MAP3K13: variants seen among roughly 807,000 people sequenced by gnomAD.
MAP3K13 encodes leucine zipper-bearing kinase.
A neutral mutation model predicts 104.0 loss-of-function variants in MAP3K13; 52 were observed. The ratio of observed to expected loss-of-function variants is 0.50; its 90% confidence interval spans 0.40 to 0.63. The LOEUF (loss-of-function observed/expected upper bound fraction) is 0.63, where lower values mean the gene tolerates loss of function less well. MAP3K13 is among the 20% of genes least tolerant of loss of function. The pLI, the probability that MAP3K13 is intolerant of heterozygous loss-of-function variation, is 0.00. For synonymous variants in MAP3K13, 394 were observed against 442.2 expected, an observed-to-expected ratio of 0.89 and a Z score of 1.37; for missense variants, 914 against 1,218.5, an observed-to-expected ratio of 0.75 and a Z score of 3.72.
At chr3:185,295,415 G>C (rs1720888026) in intron 2 of MAP3K13, among the ~76,000 whole-genome samples, 1 of 152,190 alleles carries the variant, frequency 6.6e-6, no homozygotes, top group African/African-American at 2.4e-5. Flanking sequence ...ATGTGGGCCA[G>C]GCTGGTCTTG....
chr3:185,284,644 G>C (rs888332562), intron 1 of MAP3K13, among the ~76,000 whole-genome samples: 6 of 152,112 alleles, frequency 3.9e-5, no homozygotes, highest in Admixed American at 2.0e-4. Flanking sequence ...GAAGCCGGGA[G>C]GGGGAGGTTG....
At chr3:185,417,711 A>T in intron 1 of MAP3K13, 4 of 1,612,610 alleles carry the variant, frequency 2.5e-6, no homozygotes, top group Non-Finnish European at 3.4e-6. Flanking sequence ...CTGCTGCTGC[A>T]GCAGCTGCCT....
intron 1 of MAP3K13, among the ~76,000 whole-genome samples, chr3:185,388,317 C>T (rs910227001): frequency 7.9e-5 from 12 of 151,916 alleles, no homozygotes; most frequent in African/African-American, 1.5e-4. Context: ...ACCTGGGAAA[C>T]GAGGCAAAAT....
intron 1 of MAP3K13, among the ~76,000 whole-genome samples, chr3:185,383,092 A>C (rs1424101832): frequency 7.6e-6 from 1 of 131,332 alleles, no homozygotes; most frequent in Admixed American, 8.4e-5. Flanking sequence ...ATTCCCACCT[A>C]TGAGTGAGAA....
intron 1 of MAP3K13, among the ~76,000 whole-genome samples, chr3:185,426,073 C>A (rs143027231): frequency 7.2e-6 from 1 of 138,220 alleles, no homozygotes; most frequent in Non-Finnish European, 1.6e-5. Flanking sequence ...CTCCCTCTCC[C>A]TCTTCTCCTT....
At chr3:185,346,106 A>T (rs1278001121) in intron 2 of MAP3K13, among the ~76,000 whole-genome samples, 1 of 152,168 alleles carries the variant, frequency 6.6e-6, no homozygotes, top group African/African-American at 2.4e-5. Flanking sequence ...TATACAAGAG[A>T]TCTCCTGAAC....
chr3:185,435,184 GTATTTTTAATAGAGACGGGGTTTCACCA>G (rs1178756126), intron 2 of MAP3K13, among the ~76,000 whole-genome samples: 9 of 113,810 alleles, frequency 7.9e-5, no homozygotes, highest in Non-Finnish European at 1.6e-4. Flanking sequence ...TTTTTTTTTT[GTATTTTTAATAGAGACGGGGTTTCACCA>G]TATTGGCCAG....
chr3:185,409,942 A>T (rs982608129), intron 1 of MAP3K13, among the ~76,000 whole-genome samples: 1 of 152,106 alleles, frequency 6.6e-6, no homozygotes, highest in Non-Finnish European at 1.5e-5. Flanking sequence ...GTGGGTGGGA[A>T]TGGTTTGAGG....
intron 1 of MAP3K13, among the ~76,000 whole-genome samples, chr3:185,372,902 A>C (rs1724229261): frequency 1.3e-5 from 2 of 152,142 alleles, no homozygotes. Context: ...AAAGGAAGTC[A>C]CTCCAAGGGA....
intron 7 of MAP3K13, among the ~76,000 whole-genome samples, chr3:185,455,475 CAT>C (rs1234165870): frequency 1.8e-5 from 1 of 55,360 alleles, no homozygotes; most frequent in Non-Finnish European, 3.3e-5. Flanking sequence ...GAGATATATA[CAT>C]GATATATATG....
At chr3:185,456,130 G>GTA (rs906866188) in intron 7 of MAP3K13, among the ~76,000 whole-genome samples, 37 of 151,736 alleles carry the variant, frequency 2.4e-4, no homozygotes, top group African/African-American at 8.2e-4. Flanking sequence ...GAATATCTTA[G>GTA]TAAAGGCATA....
At chr3:185,460,005 G>T (rs986003377) in intron 7 of MAP3K13, among the ~76,000 whole-genome samples, 5 of 152,172 alleles carry the variant, frequency 3.3e-5, no homozygotes, top group East Asian at 3.9e-4. Flanking sequence ...CACGTGGTGT[G>T]TTTTCAAGGT....
chr3:185,453,992 T>A (rs868416726), intron 7 of MAP3K13, among the ~76,000 whole-genome samples: 1 of 42,260 alleles, frequency 2.4e-5, no homozygotes, highest in Non-Finnish European at 4.9e-5. Context: ...GATATATATA[T>A]GATACATATA....
rs1718751114 is a variant in MAP3K13 at position 185,487,124 on chromosome 3, A to T, written c.*4668A>T. Reference sequence around the variant, plus strand: ...TCCCCTCTCCTTTTCTAAATAATAGATGTGCTTGGGTTTGGGATTTACCTG... The same window carrying T: ...TCCCCTCTCCTTTTCTAAATAATAGTTGTGCTTGGGTTTGGGATTTACCTG... On this transcript the variant is annotated 3_prime_UTR_variant, in exon 14 of 14. Transcript: ENST00000265026. The T allele has an allele frequency of 6.6e-6, 1 of 151,594 alleles. No individual in the cohort carries two copies. Among genetic ancestry groups the T allele is most frequent in the African/African-American group, 2.4e-5 (1 of 41,146 alleles). The allele number at this position is 151,594 out of a possible 1,614,324, so 9.4% of individuals were successfully genotyped here.
Position 185,473,158 on chromosome 3 carries a change from G to C in MAP3K13, c.1827G>C (p.Gln609His), listed in dbSNP as rs1560132601. The C allele has an allele frequency of 6.2e-7, 1 of 1,614,104 alleles. No individual in the cohort carries two copies. The highest frequency in any genetic ancestry group is 2.2e-5 in the East Asian group (1 of 44,878). ...HSDFAAILKN[Q>H]PAQENSPHPT... ...ACTTTGCCGCAATCTTGAAAAACCA[G>C]CCAGCCCAGGAAAATTCACCCCATC... The change falls in exon 11 of 14, where the codon CAG (glutamine) becomes CAC (histidine). Residue 609 changes from glutamine to histidine, a missense_variant. Coordinates refer to ENST00000265026, the MANE Select transcript of MAP3K13 (RefSeq NM_004721.5). The surrounding 1 kb of genome is among the most constrained non-coding windows in gnomAD (Gnocchi z 4.9).
chr3:185,291,820 ACTTCT>A, intron 2 of MAP3K13: 1 of 1,294,220 alleles, frequency 7.7e-7, no homozygotes, highest in Non-Finnish European at 9.7e-7. Flanking sequence ...CCTTCCTCTG[ACTTCT>A]CTTCAATTTC....
intron 2 of MAP3K13, among the ~76,000 whole-genome samples, chr3:185,332,270 A>G (rs1414102613): frequency 6.6e-6 from 1 of 152,070 alleles, no homozygotes; most frequent in Non-Finnish European, 1.5e-5. Flanking sequence ...ATCCTTGCCA[A>G]CAGAATCATC....
intron 11 of MAP3K13, among the ~76,000 whole-genome samples, chr3:185,474,376 A>G (rs1458133705): frequency 6.6e-6 from 1 of 152,180 alleles, no homozygotes; most frequent in Non-Finnish European, 1.5e-5. Context: ...TAATCAAAAT[A>G]GTTTGGAAAC....
intron 1 of MAP3K13, among the ~76,000 whole-genome samples, chr3:185,365,496 G>T (rs2108744974): frequency 6.6e-6 from 1 of 152,290 alleles, no homozygotes; most frequent in Admixed American, 6.5e-5. Flanking sequence ...CGGTCAGTTT[G>T]GTTTGCGTTG....
Sources: allele counts gnomAD v4.1 joint callset (sites outside exome capture counted in the v4.1 genomes callset), GRCh38; gene constraint gnomAD v4.1.1; non-coding constraint Gnocchi (gnomAD v3.1); transcripts MANE v1.5; gene names NCBI Gene and HGNC (gene_info 2026-07-23, HGNC 2026-07-21).